Variants in RYR2 observed in about 807,000 individuals in gnomAD.
RYR2 encodes the protein cardiac muscle ryanodine receptor-calcium release channel.
RYR2 carries 227 observed loss-of-function variants against 601.1 expected under a neutral mutation model. The observed-to-expected ratio is 0.38, with a 90% confidence interval of 0.34 to 0.42. The LOEUF is 0.42. Ranked by LOEUF, RYR2 falls within the 10% of genes least tolerant of loss-of-function variation. The pLI is 1.00. For synonymous variants in RYR2, 2,223 were observed against 2,175.1 expected, an observed-to-expected ratio of 1.02 and a Z score of -0.61; for missense variants, 4,646 against 6,156.5, an observed-to-expected ratio of 0.75 and a Z score of 8.21.
intron 38 of RYR2, among the ~76,000 whole-genome samples, chr1:237,620,485 A>C (rs1678957919): frequency 6.6e-6 from 1 of 152,166 alleles, no homozygotes; most frequent in East Asian, 1.9e-4. Flanking sequence ...TCAATAATCT[A>C]AATATACCAA....
At chr1:237,048,407 C>G (rs1253631798) in intron 1 of RYR2, among the ~76,000 whole-genome samples, 1 of 152,126 alleles carries the variant, frequency 6.6e-6, no homozygotes, top group Non-Finnish European at 1.5e-5. Flanking sequence ...GATCCCAGTA[C>G]TCATTTCAAC....
At chr1:237,583,414 T>A (rs533862054) in intron 29 of RYR2, among the ~76,000 whole-genome samples, 1 of 152,202 alleles carries the variant, frequency 6.6e-6, no homozygotes, top group South Asian at 2.1e-4. Flanking sequence ...AATTCTAGCA[T>A]CCATTTAACT....
chr1:237,244,060 A>C (rs1686508364), intron 1 of RYR2, among the ~76,000 whole-genome samples: 1 of 152,038 alleles, frequency 6.6e-6, no homozygotes, highest in Non-Finnish European at 1.5e-5. Flanking sequence ...GTGCGTGATC[A>C]CCTTTATCCA....
intron 80 of RYR2, among the ~76,000 whole-genome samples, chr1:237,755,833 C>T (rs1348271207): frequency 6.6e-6 from 1 of 152,186 alleles, no homozygotes; most frequent in Non-Finnish European, 1.5e-5. Flanking sequence ...AACTTCAAGA[C>T]ATCTCAGTTA....
chr1:237,739,497 A>G (rs1691429585), intron 79 of RYR2, among the ~76,000 whole-genome samples: 1 of 152,200 alleles, frequency 6.6e-6, no homozygotes, highest in Non-Finnish European at 1.5e-5. Context: ...GATATCTGCA[A>G]TGATATCACA....
intron 101 of RYR2, among the ~76,000 whole-genome samples, chr1:237,822,915 C>A (rs1489712442): frequency 1.3e-5 from 2 of 152,054 alleles, no homozygotes; most frequent in Non-Finnish European, 2.9e-5. Context: ...AGACTTTAAA[C>A]CAACGAAGAT....
At position 237,392,328 on chromosome 1, in the gene RYR2, A is replaced by G. The variant is rs145241095; in HGVS notation, c.773+4145A>G. On this transcript the variant is annotated intron_variant, in intron 10 of 104. Transcript: ENST00000366574. ...AAAATAACTAAAAGAGTGTAACTGG[A>G]TTGTTTGTAACACAAAGGATCAGTG... is the stretch of plus-strand genomic sequence containing the variant. 2.1e-3 allele frequency among the ~76,000 whole-genome samples: 314 copies of G among 152,232 alleles called. 2 individuals carry two copies. The highest frequency in any genetic ancestry group is 5.6e-3 in the East Asian group (29 of 5,186).
intron 76 of RYR2, among the ~76,000 whole-genome samples, chr1:237,727,422 A>G (rs1690292605): frequency 6.6e-6 from 1 of 152,156 alleles, no homozygotes; most frequent in South Asian, 2.1e-4. Flanking sequence ...ATATCTGCTC[A>G]CATATGTGAG....
At chr1:237,653,131 A>G (rs1272033327) in intron 51 of RYR2, among the ~76,000 whole-genome samples, 1 of 152,246 alleles carries the variant, frequency 6.6e-6, no homozygotes, top group Admixed American at 6.5e-5. Flanking sequence ...GTTTAGTTCT[A>G]AACAAGCAAT....
intron 84 of RYR2, 83 bp from the exon 85 acceptor site, chr1:237,770,724 G>A: frequency 2.4e-6 from 2 of 830,312 alleles, no homozygotes; most frequent in African/African-American, 1.7e-5. Context: ...AGATCAACAT[G>A]CAAGTTGTAT....
At chr1:237,327,060 C>A (rs941491689) in intron 2 of RYR2, among the ~76,000 whole-genome samples, 1 of 152,126 alleles carries the variant, frequency 6.6e-6, no homozygotes, top group Non-Finnish European at 1.5e-5. Flanking sequence ...GCTGATGATT[C>A]TGTTTAAAAT....
intron 1 of RYR2, among the ~76,000 whole-genome samples, chr1:237,102,208 G>C (rs535149908): frequency 6.6e-5 from 10 of 152,304 alleles, no homozygotes; most frequent in Non-Finnish European, 7.4e-5. Context: ...CAGACAGGTG[G>C]GGGGAGTGCT....
Position 237,268,064 on chromosome 1 carries a change from C to T in RYR2, c.49-2433C>T, listed in dbSNP as rs147580007. ...CTTCTTCCGGGGCTTACTGAGTAAG[C>T]TCTGTTACTCCCACTTGTCCCATAT... On this transcript the variant is annotated intron_variant, in intron 1 of 104. Coordinates refer to ENST00000366574, the MANE Select transcript of RYR2 (RefSeq NM_001035.3). Among the ~76,000 whole-genome samples the T allele has an allele frequency of 7.2e-5, 11 of 152,304 alleles. No homozygotes were observed. The East Asian group carries it at 2.1e-3, about 29-fold the overall frequency.
intron 66 of RYR2, 76 bp from the exon 67 acceptor site, chr1:237,705,137 A>T: frequency 7.6e-7 from 1 of 1,310,706 alleles, no homozygotes. Context: ...TTTTAGGTTA[A>T]ATTTGCTAAT....
At chr1:237,382,520 T>TCCCCCCC (rs570819650) in intron 8 of RYR2, among the ~76,000 whole-genome samples, 1 of 105,904 alleles carries the variant, frequency 9.4e-6, no homozygotes, top group African/African-American at 3.6e-5. Flanking sequence ...ATGTTATCCC[T>TCCCCCCC]CCCCCCTCCC....
At chr1:237,590,167 A>T (rs1423892985) in intron 30 of RYR2, among the ~76,000 whole-genome samples, 166 bp downstream of exon 30, 1 of 152,010 alleles carries the variant, frequency 6.6e-6, no homozygotes, top group Non-Finnish European at 1.5e-5. Context: ...TCTACCAGCT[A>T]TCAGTGGATG....
At chr1:237,785,871 A>T in intron 90 of RYR2, 98 bp from the exon 91 acceptor site, 1 of 848,574 alleles carries the variant, frequency 1.2e-6, no homozygotes, top group Non-Finnish European at 2.0e-6. Flanking sequence ...AGGGTATCTT[A>T]TATAGGTTAT....
At chr1:237,567,374 T>C (rs1328062898) in intron 28 of RYR2, among the ~76,000 whole-genome samples, 1 of 131,496 alleles carries the variant, frequency 7.6e-6, no homozygotes, top group Non-Finnish European at 1.6e-5. Context: ...GGGCTAGGAG[T>C]GCAAGACCAG....
At chr1:237,459,771 A>C (rs2150245937) in intron 16 of RYR2, among the ~76,000 whole-genome samples, 1 of 152,294 alleles carries the variant, frequency 6.6e-6, no homozygotes, top group African/African-American at 2.4e-5. Flanking sequence ...ACATTAATAG[A>C]CTTTACAAAA....
Sources: gnomAD v4.1 joint callset for allele counts (sites outside exome capture counted in the v4.1 genomes callset) on GRCh38, gnomAD v4.1.1 for gene constraint, MANE v1.5 for transcripts, NCBI Gene and HGNC (gene_info 2026-07-23, HGNC 2026-07-21) for gene names.